Variants in PARD3B observed in about 807,000 individuals in gnomAD.
PARD3B encodes partitioning defective 3 homolog B.
In PARD3B, 103 loss-of-function variants were observed where a neutral mutation model predicts 130.2. The observed-to-expected ratio is 0.79, with a 90% CI of 0.67 to 0.93. The LOEUF (loss-of-function observed/expected upper bound fraction) is 0.93. PARD3B is among the 40% of genes least tolerant of loss of function. The pLI, the probability that PARD3B is intolerant of heterozygous loss-of-function variation, is 0.00. For synonymous variants in PARD3B, 583 were observed against 553.2 expected (o/e 1.05, Z -0.76); for missense variants, 1,609 against 1,499.2 (o/e 1.07, Z -1.21).
At chr2:204,751,958 T>G (rs2040481963) in intron 2 of PARD3B, among the ~76,000 whole-genome samples, 1 of 152,182 alleles carries the variant, frequency 6.6e-6, no homozygotes, top group Non-Finnish European at 1.5e-5. Flanking sequence ...ATAAGATCTG[T>G]GATGTCAAGG....
chr2:205,303,364 T>A (rs1442746515), intron 18 of PARD3B, among the ~76,000 whole-genome samples: 1 of 152,170 alleles, frequency 6.6e-6, no homozygotes, highest in East Asian at 1.9e-4. Context: ...CTCCTTACTA[T>A]ACCAGTCACT....
chr2:205,238,852 ATATAT>A lies in PARD3B; in HGVS notation c.2141-6925_2141-6921del, dbSNP rs1559574887. On this transcript the variant is annotated intron_variant, in intron 15 of 22. Transcript: ENST00000406610. ...CTCCGTTTCAAAAAAAAAAAAAAAT[ATATAT>A]ATATATATATATATATATATGTATG... 4.8e-4 allele frequency among the ~76,000 whole-genome samples: 34 copies of A among 71,034 alleles called. 1 individual carries two copies. Among genetic ancestry groups the A allele is most frequent in the African/African-American group, 1.9e-3 (29 of 15,648 alleles). 46.6% of individuals were successfully genotyped at this position (71,034 alleles called of 152,430 possible).
At chr2:205,365,479 A>G (rs1249731151) in intron 18 of PARD3B, among the ~76,000 whole-genome samples, 1 of 150,342 alleles carries the variant, frequency 6.7e-6, no homozygotes, top group Non-Finnish European at 1.5e-5. Context: ...GTTTACAGAC[A>G]CAGGCCTGCT....
At position 205,523,217 on chromosome 2, in the gene PARD3B, GTGTGTGTGTA is replaced by G. The variant is rs908490533; in HGVS notation, c.3180+23188_3180+23197del. 1.1e-3 allele frequency among the ~76,000 whole-genome samples: 66 copies of G among 58,534 alleles called. No homozygotes were observed. The South Asian group carries it at 0.017, about 15-fold the overall frequency. The allele number at this position is 58,534 out of a possible 152,430, so 38.4% of individuals were successfully genotyped here. ...TTACCCCCGTGTACTATATGTGTGT[GTGTGTGTGTA>G]TATATATATATATATTTATATATAT... On this transcript the variant is annotated intron_variant, in intron 21 of 22. Coordinates refer to ENST00000406610, the MANE Select transcript of PARD3B (RefSeq NM_001302769.2).
At chr2:205,193,452 A>G (rs911076324) in intron 15 of PARD3B, 132 bp downstream of exon 15, 40 of 642,468 alleles carry the variant, frequency 6.2e-5, no homozygotes, top group Admixed American at 1.1e-4. Context: ...AGGAAGGGAT[A>G]ATGGCCATCC....
In PARD3B at chr2:205,268,044, T is replaced by A. The variant is rs2040578858; in HGVS notation, c.2185+22222T>A. Among the ~76,000 whole-genome samples, 1 of 152,196 alleles carries A rather than the reference T, an allele frequency of 6.6e-6. No homozygotes were observed. The highest frequency in any genetic ancestry group is 2.4e-5 in the African/African-American group (1 of 41,470). On this transcript the variant is annotated intron_variant, in intron 16 of 22. Transcript: ENST00000406610. This position sits in a 1 kb window ranked among gnomAD's most constrained non-coding sequence, Gnocchi z 4.1. ...AGGCTAAACTTCAGGCCTTCTCTCA[T>A]CCCAGGACCTTTAGCTAGTGAGCCC... is the stretch of plus-strand genomic sequence containing the variant.
intron 4 of PARD3B, among the ~76,000 whole-genome samples, chr2:205,062,990 G>T (rs1292909979): frequency 6.6e-6 from 1 of 151,864 alleles, no homozygotes; most frequent in African/African-American, 2.4e-5. Flanking sequence ...GTGAGGGAGG[G>T]GGTTTGCTTG....
intron 18 of PARD3B, among the ~76,000 whole-genome samples, chr2:205,323,792 TG>T (rs2042840919): frequency 6.6e-6 from 1 of 152,214 alleles, no homozygotes; most frequent in Non-Finnish European, 1.5e-5. Flanking sequence ...GGATAAATCC[TG>T]GTTTGGAGAT....
At chr2:205,284,912 A>G (rs1320812410) in intron 16 of PARD3B, among the ~76,000 whole-genome samples, 2 of 152,118 alleles carry the variant, frequency 1.3e-5, no homozygotes, top group African/African-American at 2.4e-5. Context: ...GCTCCTTCCT[A>G]AATTTTTACC....
At chr2:204,954,377 C>G in intron 2 of PARD3B, among the ~76,000 whole-genome samples, 1 of 152,274 alleles carries the variant, frequency 6.6e-6, no homozygotes, top group African/African-American at 2.4e-5. Context: ...CTTTCTGTAG[C>G]CTCCACCAGT....
chr2:205,194,700 G>GA (rs1281431037), intron 15 of PARD3B, among the ~76,000 whole-genome samples: 2 of 151,944 alleles, frequency 1.3e-5, no homozygotes, highest in Admixed American at 1.3e-4. Flanking sequence ...AATTAAGAGA[G>GA]AAAAAATATT....
intron 2 of PARD3B, among the ~76,000 whole-genome samples, chr2:204,730,214 A>G (rs2039445633): frequency 6.6e-6 from 1 of 152,106 alleles, no homozygotes; most frequent in South Asian, 2.1e-4. Flanking sequence ...AGCTGGGATT[A>G]CAGTCACCCA....
chr2:204,639,301 C>G (rs1316858185), intron 1 of PARD3B, among the ~76,000 whole-genome samples: 1 of 152,122 alleles, frequency 6.6e-6, no homozygotes, highest in African/African-American at 2.4e-5. Flanking sequence ...ACCAGAATTT[C>G]TGGAACAAAA....
chr2:205,421,964 C>A lies in PARD3B; in HGVS notation c.2742-18406C>A, dbSNP rs2046986675. Among the ~76,000 whole-genome samples, 2 of 152,192 alleles carry A rather than the reference C, an allele frequency of 1.3e-5. No individual in the cohort carries two copies. The highest frequency in any genetic ancestry group is 2.9e-5 in the Non-Finnish European group (2 of 68,048). ...TATTGAGTGCCTACTGTCTGCCAGG[C>A]ACTGTGCTAGATATTGGAGTTCTAT... On this transcript the variant is annotated intron_variant, in intron 19 of 22. Coordinates refer to ENST00000406610, the MANE Select transcript of PARD3B (RefSeq NM_001302769.2). The surrounding 1 kb of genome is among the most constrained non-coding windows in gnomAD (Gnocchi z 5.1).
rs536672681 is a variant in PARD3B at position 205,523,480 on chromosome 2, T to C, written c.3180+23449T>C. Among the ~76,000 whole-genome samples the C allele has an allele frequency of 9.2e-5, 14 of 152,018 alleles. No individual in the cohort carries two copies. In the South Asian group the frequency reaches 2.9e-3, roughly 32 times the overall value. Reference sequence around the variant, plus strand: ...GCTGGTCGTACCATATTTTCTTTGATGATTTTTAGTAATTTCAGTCATACT... The same window carrying C: ...GCTGGTCGTACCATATTTTCTTTGACGATTTTTAGTAATTTCAGTCATACT... On this transcript the variant is annotated intron_variant, in intron 21 of 22. Transcript: ENST00000406610.
intron 11 of PARD3B, among the ~76,000 whole-genome samples, chr2:205,162,701 G>A (rs2034572266): frequency 6.6e-6 from 1 of 152,148 alleles, no homozygotes. Context: ...TAGTGCTGTT[G>A]CTGTTCAATA....
At chr2:205,380,125 TATATATATTATATAAAGA>T (rs1295612527) in intron 18 of PARD3B, among the ~76,000 whole-genome samples, 7 of 97,352 alleles carry the variant, frequency 7.2e-5, no homozygotes, top group South Asian at 7.5e-4. Flanking sequence ...CATAATATAT[TATATATATTATATAAAGA>T]ATATATATTA....
chr2:205,375,868 AGAAG>A (rs1280557712), intron 18 of PARD3B, among the ~76,000 whole-genome samples: 1 of 152,208 alleles, frequency 6.6e-6, no homozygotes, highest in African/African-American at 2.4e-5. Context: ...TTAAATGTTA[AGAAG>A]GAAGAGGCAG....
intron 4 of PARD3B, among the ~76,000 whole-genome samples, chr2:205,084,330 C>A (rs1354957638): frequency 6.6e-6 from 1 of 152,016 alleles, no homozygotes; most frequent in Non-Finnish European, 1.5e-5. Context: ...CCTGAATTTT[C>A]TGTAGTTAGA....
Sources: allele counts gnomAD v4.1 joint callset (sites outside exome capture counted in the v4.1 genomes callset), GRCh38; gene constraint gnomAD v4.1.1; non-coding constraint Gnocchi (gnomAD v3.1); transcripts MANE v1.5; gene names NCBI Gene and HGNC (gene_info 2026-07-23, HGNC 2026-07-21).